Variants in EVC observed in about 807,000 individuals in gnomAD.
EVC encodes evC complex member EVC.
Under a neutral mutation model 118.9 loss-of-function variants are expected in EVC, and 116 were observed. The observed-to-expected ratio is 0.98, with a 90% CI of 0.84 to 1.14. The LOEUF (loss-of-function observed/expected upper bound fraction) is 1.14, where lower values mean the gene tolerates loss of function less well. Ranked by LOEUF, EVC falls within the 50% of genes most tolerant of loss-of-function variation. The probability of loss-of-function intolerance (pLI) is 0.00; values close to 1 mark genes in which losing one functional copy is unlikely to be tolerated. For missense variants in EVC, 1,401 were observed against 1,246.4 expected (o/e 1.12, Z -1.87); for synonymous variants, 619 against 534.7 (o/e 1.16, Z -2.18).
intron 11 of EVC, among the ~76,000 whole-genome samples, chr4:5,774,626 C>T (rs773185503): frequency 2.8e-4 from 42 of 152,088 alleles, no homozygotes; most frequent in African/African-American, 2.9e-4. Context: ...GGTTTGAATG[C>T]GGCTGCAGAG....
intron 14 of EVC, among the ~76,000 whole-genome samples, chr4:5,797,747 G>A (rs73795084): frequency 0.011 from 1,703 of 152,312 alleles, 35 homozygotes; most frequent in African/African-American, 0.038. Flanking sequence ...TGGAGCCCCC[G>A]TAGGGGCCAC....
chr4:5,815,960 T>C (rs987150380), downstream of EVC, among the ~76,000 whole-genome samples: 1 of 151,878 alleles, frequency 6.6e-6, no homozygotes, highest in Non-Finnish European at 1.5e-5. Context: ...ACTTTCCTCC[T>C]GTGGTGTATG....
At position 5,737,910 on chromosome 4, in the gene EVC, C is replaced by T. The variant is rs1463840311; in HGVS notation, c.703-3806C>T. On this transcript the variant is annotated intron_variant, in intron 5 of 20. Coordinates refer to ENST00000264956, the MANE Select transcript of EVC (RefSeq NM_153717.3). This position sits in a 1 kb window ranked among gnomAD's most constrained non-coding sequence, Gnocchi z 5.0. ...GTCTTATTATTTAAGAAATACATTTCCTAAGGCTCTAACTGCCATACATAG... is the reference window on the plus strand; with the variant it reads ...GTCTTATTATTTAAGAAATACATTTTCTAAGGCTCTAACTGCCATACATAG... Among the ~76,000 whole-genome samples the T allele has an allele frequency of 6.6e-6, 1 of 152,146 alleles. No homozygotes were observed. Among genetic ancestry groups the T allele is most frequent in the Admixed American group, 6.5e-5 (1 of 15,278 alleles).
rs1448887321 is a variant in EVC at position 5,808,318 on chromosome 4, C to T, written c.2679C>T (p.Thr893=). The T allele has an allele frequency of 1.2e-6, 2 of 1,614,176 alleles. No individual in the cohort carries two copies. The highest frequency in any genetic ancestry group is 2.2e-5 in the South Asian group (2 of 91,076). The change falls in exon 18 of 21, where the codon ACC becomes ACT. Residue 893 remains threonine, a synonymous_variant. Transcript: ENST00000264956. ...VMDLLEAQLE[T]QLQEAEQNFI... The stretch of plus-strand genomic sequence containing the variant: ...ACCTTCTGGAAGCCCAGCTGGAGAC[C>T]CAGCTACAGGTACAAGTTACAGAAC...
the EVC span, among the ~76,000 whole-genome samples, chr4:5,822,500 G>C: frequency 6.6e-6 from 1 of 152,032 alleles, no homozygotes; most frequent in Non-Finnish European, 1.5e-5. Context: ...TGAAGGGGGG[G>C]GGGGTGGTGT....
Position 5,762,171 on chromosome 4 carries a change from G to A in EVC, c.1563+5809G>A, listed in dbSNP as rs1228747724. ...GCGGTGTTTGGTTTTTTGTTCTTGG[G>A]ATAGTTTACTGAGAATGATGATTTC... On this transcript the variant is annotated intron_variant, in intron 11 of 20. Coordinates refer to ENST00000264956, the MANE Select transcript of EVC (RefSeq NM_153717.3). Among the ~76,000 whole-genome samples, 5 of 121,362 alleles carry A rather than the reference G, an allele frequency of 4.1e-5. 1 individual carries two copies. The highest frequency in any genetic ancestry group is 1.5e-4 in the African/African-American group (5 of 32,964). 79.6% of individuals were successfully genotyped at this position (121,362 alleles called of 152,430 possible).
chr4:5,758,062 T>C (rs1731446375), intron 11 of EVC: 1 of 702,260 alleles, frequency 1.4e-6, no homozygotes, highest in South Asian at 1.5e-5. Context: ...CTAATTCTAA[T>C]GGCTGGTGTC....
At chr4:5,751,629 G>A (rs539904047) in intron 8 of EVC, among the ~76,000 whole-genome samples, 1 of 152,296 alleles carries the variant, frequency 6.6e-6, no homozygotes, top group Admixed American at 6.5e-5. Context: ...AAGGGGACGT[G>A]GGCGACTCAG....
chr4:5,828,360 C>T, the EVC span: 1 of 1,440,786 alleles, frequency 6.9e-7, no homozygotes, highest in South Asian at 1.5e-5. Flanking sequence ...ACCCATTTAA[C>T]AGATAAGGAA....
downstream of EVC, among the ~76,000 whole-genome samples, chr4:5,814,525 A>G (rs556649289): frequency 7.2e-5 from 11 of 152,222 alleles, no homozygotes; most frequent in South Asian, 2.3e-3. Flanking sequence ...TCTCCAACGC[A>G]AATCTGCCTG....
At chr4:5,769,938 C>T (rs1303376105) in intron 11 of EVC, among the ~76,000 whole-genome samples, 1 of 152,090 alleles carries the variant, frequency 6.6e-6, no homozygotes, top group Non-Finnish European at 1.5e-5. Context: ...CTGAAGATCC[C>T]CCTCAGGCTC....
chr4:5,761,417 C>T (rs1277748068), intron 11 of EVC, among the ~76,000 whole-genome samples: 7 of 148,498 alleles, frequency 4.7e-5, no homozygotes, highest in Middle Eastern at 3.2e-3. Flanking sequence ...CCTGGAAAAA[C>T]GCAAGTCACA....
chr4:5,729,597 C>A (rs1726457353), intron 3 of EVC, among the ~76,000 whole-genome samples: 1 of 152,086 alleles, frequency 6.6e-6, no homozygotes, highest in African/African-American at 2.4e-5. Flanking sequence ...TCCTTGTATC[C>A]CCAGGGACAC....
intron 11 of EVC, among the ~76,000 whole-genome samples, chr4:5,772,679 A>C (rs1476922819): frequency 6.6e-6 from 1 of 152,014 alleles, no homozygotes; most frequent in African/African-American, 2.4e-5. Flanking sequence ...AAGCTGGCCC[A>C]CAGGATCCAC....
chr4:5,797,122 C>T lies in EVC; in HGVS notation c.1987C>T (p.Arg663Trp), dbSNP rs867240492. The T allele has an allele frequency of 3.7e-6, 6 of 1,613,434 alleles. No individual in the cohort carries two copies. The highest frequency in any genetic ancestry group is 3.3e-5 in the Admixed American group (2 of 60,010). The change falls in exon 14 of 21, where the codon CGG (arginine) becomes TGG (tryptophan). Residue 663 changes from arginine (R) to tryptophan (W), a missense_variant. Transcript: ENST00000264956. ...GNALATLTQM[R>W]LSGKKHLLQE... Reference sequence around the variant, plus strand: ...CGCCCTGGCCACCCTGACGCAGATGCGGCTATCGGGGAAGAAGCACCTCCT... The same window carrying T: ...CGCCCTGGCCACCCTGACGCAGATGTGGCTATCGGGGAAGAAGCACCTCCT...
At chr4:5,817,422 C>A (rs1455816213), downstream of EVC, among the ~76,000 whole-genome samples, 1 of 152,222 alleles carries the variant, frequency 6.6e-6, no homozygotes, top group Non-Finnish European at 1.5e-5. Flanking sequence ...CAGATGGACT[C>A]TGGACGCACA....
At chr4:5,777,625 C>T (rs1270323378) in intron 11 of EVC, among the ~76,000 whole-genome samples, 3 of 152,148 alleles carry the variant, frequency 2.0e-5, no homozygotes, top group African/African-American at 7.2e-5. Context: ...TTATTTTGTC[C>T]ACTTATCTTT....
chr4:5,768,772 G>A (rs538137277), intron 11 of EVC, among the ~76,000 whole-genome samples: 2 of 151,892 alleles, frequency 1.3e-5, no homozygotes, highest in East Asian at 1.9e-4. Flanking sequence ...CATGAGAATC[G>A]CTTGAACCCA....
downstream of EVC, among the ~76,000 whole-genome samples, chr4:5,815,816 C>T (rs10009439): frequency 0.065 from 9,826 of 152,214 alleles, 468 homozygotes; most frequent in South Asian, 0.12. Flanking sequence ...CACCATTGAC[C>T]GGCCACATGC....
Sources: gnomAD v4.1 joint callset for allele counts (sites outside exome capture counted in the v4.1 genomes callset) on GRCh38, gnomAD v4.1.1 for gene constraint, Gnocchi (gnomAD v3.1) non-coding constraint, MANE v1.5 for transcripts, NCBI Gene and HGNC (gene_info 2026-07-23, HGNC 2026-07-21) for gene names.